Variants in SENP8 observed in about 807,000 individuals in gnomAD.
SENP8 encodes the protein SUMO peptidase family member, NEDD8 specific.
Under a neutral mutation model 14.4 loss-of-function variants are expected in SENP8, and 10 were observed. The ratio of observed to expected loss-of-function variants is 0.69; its 90% CI spans 0.43 to 1.18. The LOEUF (loss-of-function observed/expected upper bound fraction) is 1.18. SENP8 is among the 50% of genes most tolerant of loss of function. The probability of loss-of-function intolerance (pLI) is 0.00; values close to 1 mark genes in which losing one functional copy is unlikely to be tolerated. For missense variants in SENP8, 202 were observed against 249.4 expected, an observed-to-expected ratio of 0.81 and a Z score of 1.28; for synonymous variants, 94 against 95.5, an observed-to-expected ratio of 0.98 and a Z score of 0.09.
chr15:72,139,924 A>G lies in SENP8; in HGVS notation c.301A>G (p.Thr101Ala). ...TAACTCCAACCAGGCAGCTGGAGGA[A>G]CCCACTGGAGTTTATTGGTCTACCT... ...NDNSNQAAGG[T>A]HWSLLVYLQD... is the part of the protein sequence containing the mutation. The change falls in exon 2 of 2, where the codon ACC becomes GCC. Residue 101 changes from threonine to alanine, a missense_variant. Physicochemically the swap from Thr to Ala is moderately conservative, Grantham distance 58 (BLOSUM62 0). Coordinates refer to ENST00000340912, the MANE Select transcript of SENP8 (RefSeq NM_145204.4). The G allele has an allele frequency of 1.2e-6, 2 of 1,614,212 alleles. No individual in the cohort carries two copies. The highest frequency in any genetic ancestry group is 1.7e-6 in the Non-Finnish European group (2 of 1,180,030).
chr15:72,131,429 TGTA>T (rs1311331392), intron 1 of SENP8, among the ~76,000 whole-genome samples: 1 of 152,220 alleles, frequency 6.6e-6, no homozygotes, highest in Non-Finnish European at 1.5e-5. Context: ...CTTCTTCCCT[TGTA>T]TCAGCAGGCC....
chr15:72,130,395 T>C (rs1347508273), intron 1 of SENP8, among the ~76,000 whole-genome samples: 2 of 152,192 alleles, frequency 1.3e-5, no homozygotes, highest in Non-Finnish European at 2.9e-5. Context: ...CTTTGCAGAC[T>C]ACTCTGTCCT....
chr15:72,117,661 G>A (rs571552315), upstream of SENP8: 583 of 396,190 alleles, frequency 1.5e-3, 3 homozygotes, highest in Middle Eastern at 9.5e-3. Flanking sequence ...GGGCCGCTGG[G>A]CGCTTGGGCG....
intron 1 of SENP8, among the ~76,000 whole-genome samples, chr15:72,137,149 C>CTTT (rs2081334934): frequency 6.6e-6 from 1 of 152,032 alleles, no homozygotes; most frequent in East Asian, 1.9e-4. Context: ...TATTGTACAA[C>CTTT]TTTTTAAACT....
intron 1 of SENP8, among the ~76,000 whole-genome samples, chr15:72,138,316 A>C (rs2081346306): frequency 6.6e-6 from 1 of 151,706 alleles, no homozygotes; most frequent in African/African-American, 2.4e-5. Flanking sequence ...TAGGAGTGCC[A>C]ACCCCCGTAT....
In SENP8 at chr15:72,140,540, G is replaced by A; in HGVS notation, c.*278G>A. On this transcript the variant is annotated 3_prime_UTR_variant, in exon 2 of 2. Coordinates refer to ENST00000340912, the MANE Select transcript of SENP8 (RefSeq NM_145204.4). The stretch of plus-strand genomic sequence containing the variant: ...TTTATTACACACAGGGTTTACGTAA[G>A]ACTTTTCTTATTGGTATATAATTAA... 2.6e-6 allele frequency: 1 copy of A among 379,876 alleles called. No homozygotes were observed. Among genetic ancestry groups the A allele is most frequent in the East Asian group, 5.2e-5 (1 of 19,338 alleles). 23.5% of individuals were successfully genotyped at this position (379,876 alleles called of 1,614,324 possible). A position where few individuals can be genotyped will look rare whatever the true frequency, so the allele number is the denominator to read the frequency against.
At chr15:72,139,541 A>T in intron 1 of SENP8, 36 bp from the exon 2 acceptor site, 2 of 1,511,702 alleles carry the variant, frequency 1.3e-6, no homozygotes, top group South Asian at 2.6e-5. Context: ...CGCATTTTAC[A>T]GTCAGGTATT....
intron 1 of SENP8, among the ~76,000 whole-genome samples, chr15:72,122,200 A>G (rs2081174309): frequency 6.6e-6 from 1 of 151,048 alleles, no homozygotes; most frequent in Admixed American, 6.6e-5. Flanking sequence ...TTTGAAACTG[A>G]TCAATACCGG....
At chr15:72,120,453 G>A (rs2081156624) in intron 1 of SENP8, among the ~76,000 whole-genome samples, 2 of 152,166 alleles carry the variant, frequency 1.3e-5, no homozygotes, top group Admixed American at 1.3e-4. Context: ...GATAAAGTGG[G>A]TGTGAACAGA....
chr15:72,114,972 G>A (rs757592683), upstream of SENP8, among the ~76,000 whole-genome samples: 9 of 152,006 alleles, frequency 5.9e-5, no homozygotes, highest in Non-Finnish European at 1.3e-4. Context: ...AAATGATTAG[G>A]AAAGATGGAG....
intron 1 of SENP8, among the ~76,000 whole-genome samples, chr15:72,119,844 TG>T (rs764165211): frequency 1.1e-4 from 16 of 152,228 alleles, no homozygotes; most frequent in Non-Finnish European, 2.1e-4. Flanking sequence ...ATAACTGGTC[TG>T]GGAAATGGGA....
intron 1 of SENP8, among the ~76,000 whole-genome samples, chr15:72,138,029 T>C (rs1385820363): frequency 1.3e-5 from 2 of 152,106 alleles, no homozygotes; most frequent in African/African-American, 2.4e-5. Flanking sequence ...CCTTGGAAAT[T>C]AGTAACTTTT....
In SENP8 at chr15:72,139,638, C is replaced by T. The variant is rs2081360624; in HGVS notation, c.15C>T (p.Val5=). The change falls in exon 2 of 2, where the codon GTC becomes GTT. Residue 5 remains valine, a synonymous_variant. Transcript: ENST00000340912. ...GTCAGTACAAGATGGACCCCGTAGTCTTGAGTTACATGGACAGTCTACTGC... is the reference window on the plus strand; with the variant it reads ...GTCAGTACAAGATGGACCCCGTAGTTTTGAGTTACATGGACAGTCTACTGC... The part of the protein sequence containing the change: MDPV[V]LSYMDSLLRQ... 5.0e-6 allele frequency: 8 copies of T among 1,613,744 alleles called. No homozygotes were observed. Among genetic ancestry groups the T allele is most frequent in the Non-Finnish European group, 5.9e-6 (7 of 1,179,806 alleles).
At chr15:72,117,318 CTT>C (rs201662393), upstream of SENP8, among the ~76,000 whole-genome samples, 1,379 of 152,252 alleles carry the variant, frequency 9.1e-3, 19 homozygotes, top group Admixed American at 0.011. Context: ...GCGGTCGAGA[CTT>C]TGCCTGAGAA....
intron 1 of SENP8, chr15:72,135,251 G>A (rs547316572): frequency 1.3e-4 from 23 of 175,880 alleles, no homozygotes; most frequent in Admixed American, 3.2e-4. Context: ...TAGTAGAGAC[G>A]AGGTTTCACC....
intron 1 of SENP8, among the ~76,000 whole-genome samples, chr15:72,129,714 G>A (rs2081254332): frequency 6.7e-6 from 1 of 150,222 alleles, no homozygotes; most frequent in African/African-American, 2.4e-5. Context: ...GTGGTGGGAG[G>A]CACCTGTGGT....
upstream of SENP8, chr15:72,118,084 C>T (rs1051487303): frequency 1.0e-5 from 4 of 393,448 alleles, no homozygotes; most frequent in Non-Finnish European, 1.8e-5. Context: ...GGTCGCGCGC[C>T]CCCGACCCCG....
chr15:72,134,971 G>T, intron 1 of SENP8: 1 of 308,940 alleles, frequency 3.2e-6, no homozygotes, highest in South Asian at 2.9e-5. Context: ...GAAGGAAAAT[G>T]ATCAGAAAAA....
At chr15:72,118,018 G>A, upstream of SENP8, 1 of 398,024 alleles carries the variant, frequency 2.5e-6, no homozygotes, top group Non-Finnish European at 4.4e-6. Context: ...AGTCCGGGCT[G>A]TCCTGTACTC....
Sources: allele counts gnomAD v4.1 joint callset (sites outside exome capture counted in the v4.1 genomes callset), GRCh38; gene constraint gnomAD v4.1.1; transcripts MANE v1.5; gene names NCBI Gene and HGNC (gene_info 2026-07-23, HGNC 2026-07-21).